The following ZSWIM6 variants were observed in gnomAD, a reference collection of about 807,000 sequenced individuals.
ZSWIM6 encodes the protein zinc finger SWIM domain-containing protein 6.
Under a neutral mutation model 113.2 loss-of-function variants are expected in ZSWIM6, and 9 were observed. The observed-to-expected ratio is 0.08, with a 90% CI of 0.05 to 0.14. The LOEUF (loss-of-function observed/expected upper bound fraction) is 0.14, where lower values mean the gene tolerates loss of function less well. Ranked by LOEUF, ZSWIM6 falls within the 10% of genes least tolerant of loss-of-function variation. The pLI is 1.00. For missense variants in ZSWIM6, 1,162 were observed against 1,552.2 expected (o/e 0.75, Z 4.22); for synonymous variants, 611 against 606.5 (o/e 1.01, Z -0.11).
At chr5:61,388,728 C>G (rs777981571) in intron 1 of ZSWIM6, among the ~76,000 whole-genome samples, 1 of 152,210 alleles carries the variant, frequency 6.6e-6, no homozygotes, top group Non-Finnish European at 1.5e-5. Context: ...CTCTTAACTG[C>G]TTTGCTGTGT....
intron 1 of ZSWIM6, among the ~76,000 whole-genome samples, chr5:61,381,123 C>T (rs576607597): frequency 3.3e-5 from 5 of 152,150 alleles, no homozygotes; most frequent in African/African-American, 7.2e-5. Context: ...CGTGGTGGCA[C>T]GTGCCTGTAA....
Position 61,334,291 on chromosome 5 carries a change from T to C in ZSWIM6, c.676+1343T>C, listed in dbSNP as rs979126534. On this transcript the variant is annotated intron_variant, in intron 1 of 13. Transcript: ENST00000252744. ...AGCGATGGGAATGTTTGAGCCAGAC[T>C]GAAAAGAACAATGCTGTAGTGAAAC... Among the ~76,000 whole-genome samples, 11 of 152,328 alleles carry C rather than the reference T, an allele frequency of 7.2e-5. 1 individual carries two copies. The East Asian group carries it at 1.5e-3, about 21-fold the overall frequency.
chr5:61,469,213 T>C (rs1365892566), intron 1 of ZSWIM6, among the ~76,000 whole-genome samples: 1 of 152,246 alleles, frequency 6.6e-6, no homozygotes, highest in Non-Finnish European at 1.5e-5. Flanking sequence ...TCTGCAGTTA[T>C]CTGTTAGAGT....
chr5:61,418,844 C>T (rs748528939), intron 1 of ZSWIM6, among the ~76,000 whole-genome samples: 74 of 152,130 alleles, frequency 4.9e-4, no homozygotes, highest in Non-Finnish European at 9.3e-4. Flanking sequence ...TTTTTTGAGA[C>T]AGAGTCTTGC....
chr5:61,448,096 A>G (rs1747005466), intron 1 of ZSWIM6, among the ~76,000 whole-genome samples: 1 of 152,172 alleles, frequency 6.6e-6, no homozygotes, highest in African/African-American at 2.4e-5. Context: ...AACTCAGATA[A>G]GACAGTTTTA....
chr5:61,538,877 A>G lies in ZSWIM6; in HGVS notation c.2445A>G (p.Ser815=), dbSNP rs372614033. 6 of 1,552,324 alleles carry G rather than the reference A, an allele frequency of 3.9e-6. No individual in the cohort carries two copies. The African/African-American group carries it at 8.2e-5, about 21-fold the overall frequency. ...TCACCCGCCCACACCACATTGCATC[A>G]GTTGTTCCCAACCGCTACCCTCGCT... ...GDLTRPHHIA[S]VVPNRYPRWF... Residue 815 remains serine, a synonymous_variant, in exon 11 of 14, where the codon TCA becomes TCG. Coordinates refer to ENST00000252744, the MANE Select transcript of ZSWIM6 (RefSeq NM_020928.2).
Position 61,355,431 on chromosome 5 carries a change from A to AAC in ZSWIM6, c.676+22548_676+22549dup, listed in dbSNP as rs34072520. 6.5e-3 allele frequency among the ~76,000 whole-genome samples: 829 copies of AAC among 127,612 alleles called. 6 individuals are homozygous for AAC. Among genetic ancestry groups the AAC allele is most frequent in the African/African-American group, 0.013 (426 of 33,592 alleles). The allele number at this position is 127,612 out of a possible 152,430, so 83.7% of individuals were successfully genotyped here. A position where few individuals can be genotyped will look rare whatever the true frequency, so the allele number is the denominator to read the frequency against. On this transcript the variant is annotated intron_variant, in intron 1 of 13. Transcript: ENST00000252744. ...GTGCGAATCTCTTGAGAGACTTTAA[A>AAC]ACACACACACACACACACACACACA...
Position 61,526,258 on chromosome 5 carries a change from C to G in ZSWIM6, c.1699C>G (p.Pro567Ala), listed in dbSNP as rs968415621. 6.4e-7 allele frequency: 1 copy of G among 1,550,796 alleles called. No individual in the cohort carries two copies. Among genetic ancestry groups the G allele is most frequent in the Admixed American group, 2.0e-5 (1 of 50,664 alleles). ...TTGACTTTCTGTTTTAGAACATGTT[C>G]CTACAGCCTGTGCAAGAGTGGACGC... The part of the protein sequence containing the change: ...RGWPLWHEHV[P>A]TACARVDALR... Residue 567 changes from proline (P) to alanine (A), a missense_variant, in exon 7 of 14, where the codon CCT (proline) becomes GCT (alanine). Physicochemically the swap from Pro to Ala is conservative, Grantham distance 27. Coordinates refer to ENST00000252744, the MANE Select transcript of ZSWIM6 (RefSeq NM_020928.2).
intron 1 of ZSWIM6, chr5:61,390,923 G>A (rs1745694365): frequency 2.4e-6 from 2 of 828,256 alleles, no homozygotes; most frequent in Non-Finnish European, 2.1e-6. Context: ...AGTGGACAAA[G>A]GCCCCCAGAG....
At chr5:61,379,001 G>A (rs774689716) in intron 1 of ZSWIM6, among the ~76,000 whole-genome samples, 1 of 151,816 alleles carries the variant, frequency 6.6e-6, no homozygotes, top group Non-Finnish European at 1.5e-5. Flanking sequence ...GTAATGTAGC[G>A]AGACCCTGTC....
At chr5:61,375,673 A>G in intron 1 of ZSWIM6, 2 of 1,546,806 alleles carry the variant, frequency 1.3e-6, no homozygotes, top group Admixed American at 2.0e-5. Context: ...TTCTGAAGAT[A>G]AACCTTTATC....
chr5:61,434,564 A>G (rs1385827138), intron 1 of ZSWIM6, among the ~76,000 whole-genome samples: 1 of 151,970 alleles, frequency 6.6e-6, no homozygotes, highest in Non-Finnish European at 1.5e-5. Flanking sequence ...TTCCTGAGTC[A>G]TTTCACTTAG....
chr5:61,419,333 T>C (rs1746311805), intron 1 of ZSWIM6, among the ~76,000 whole-genome samples: 1 of 152,252 alleles, frequency 6.6e-6, no homozygotes, highest in African/African-American at 2.4e-5. Context: ...CTGGTTATAT[T>C]ACTGTTGATG....
Position 61,521,255 on chromosome 5 carries a change from T to A in ZSWIM6, c.1334-8T>A. 1 of 1,304,286 alleles carries A rather than the reference T, an allele frequency of 7.7e-7. No individual in the cohort carries two copies. Among genetic ancestry groups the A allele is most frequent in the Non-Finnish European group, 9.9e-7 (1 of 1,013,940 alleles). The allele number at this position is 1,304,286 out of a possible 1,614,324, so 80.8% of individuals were successfully genotyped here. ...GAACATTTATTTTCCTTTCCTCCTT[T>A]AAATTAGGTGCTCTGTGGATGTGTA... On this transcript the variant is annotated splice_region_variant and splice_polypyrimidine_tract_variant and intron_variant, in intron 4 of 13. Transcript: ENST00000252744.
rs928444468 is a variant in ZSWIM6 at position 61,485,520 on chromosome 5, G to T, written c.1034-5266G>T. On this transcript the variant is annotated intron_variant, in intron 2 of 13. Transcript: ENST00000252744. Reference sequence around the variant, plus strand: ...TTCCAAATCTTGTCCTTCTCTGGTGGTCTGTGTGTCAGTGAGTTTTTCAGT... The same window carrying T: ...TTCCAAATCTTGTCCTTCTCTGGTGTTCTGTGTGTCAGTGAGTTTTTCAGT... Among the ~76,000 whole-genome samples, 16 of 152,070 alleles carry T rather than the reference G, an allele frequency of 1.1e-4. 1 individual carries two copies. The highest frequency in any genetic ancestry group is 4.1e-4 in the South Asian group (2 of 4,820).
At chr5:61,377,890 T>G (rs371541633) in intron 1 of ZSWIM6, among the ~76,000 whole-genome samples, 38 of 152,296 alleles carry the variant, frequency 2.5e-4, no homozygotes, top group South Asian at 2.1e-4. Flanking sequence ...AAATGAGAGA[T>G]AAATGTACAT....
chr5:61,526,811 G>T (rs1382763356), intron 7 of ZSWIM6, among the ~76,000 whole-genome samples: 1 of 152,178 alleles, frequency 6.6e-6, no homozygotes, highest in African/African-American at 2.4e-5. Flanking sequence ...ATCAGTTGAC[G>T]TCTCTGTGAT....
intron 1 of ZSWIM6, among the ~76,000 whole-genome samples, chr5:61,379,041 T>A (rs1199067927): frequency 6.6e-6 from 1 of 151,350 alleles, no homozygotes; most frequent in East Asian, 1.9e-4. Flanking sequence ...ATTAGCTGGG[T>A]GTCGTGGTGC....
chr5:61,471,543 C>T (rs1580013134), intron 1 of ZSWIM6, among the ~76,000 whole-genome samples: 1 of 152,148 alleles, frequency 6.6e-6, no homozygotes, highest in East Asian at 1.9e-4. Context: ...ATGTGTGGAC[C>T]ATTATAGGCA....
Sources: gnomAD v4.1 joint callset for allele counts (sites outside exome capture counted in the v4.1 genomes callset) on GRCh38, gnomAD v4.1.1 for gene constraint, MANE v1.5 for transcripts, NCBI Gene and HGNC (gene_info 2026-07-23, HGNC 2026-07-21) for gene names.